Variants in CTIF observed in about 807,000 individuals in gnomAD.
The protein encoded by CTIF is cap binding complex dependent translation initiation factor.
CTIF carries 21 observed loss-of-function variants against 66.0 expected under a neutral mutation model. The observed-to-expected ratio is 0.32, with a 90% confidence interval of 0.23 to 0.46. CTIF has a LOEUF of 0.46. Ranked by LOEUF, CTIF falls within the 20% of genes least tolerant of loss-of-function variation. The pLI, the probability that CTIF is intolerant of heterozygous loss-of-function variation, is 1.00. For missense variants in CTIF, 739 were observed against 812.7 expected (o/e 0.91, Z 1.10); for synonymous variants, 345 against 326.4 (o/e 1.06, Z -0.62).
At chr18:48,849,796 G>T (rs539149200) in intron 10 of CTIF, among the ~76,000 whole-genome samples, 1 of 151,792 alleles carries the variant, frequency 6.6e-6, no homozygotes, top group African/African-American at 2.4e-5. Flanking sequence ...ATGTTGGCCA[G>T]GTTGATCTTG....
At chr18:48,731,488 C>T (rs1598943212) in intron 7 of CTIF, among the ~76,000 whole-genome samples, 1 of 152,342 alleles carries the variant, frequency 6.6e-6, no homozygotes, top group East Asian at 1.9e-4. Flanking sequence ...TCCGTTAACC[C>T]TCTCATTCCT....
At position 48,587,033 on chromosome 18, in the gene CTIF, T is replaced by C. The variant is rs575800596; in HGVS notation, c.-28-32505T>C. ...CAGCTGTACAACCTACACAACCCAC[T>C]GTGGCCACTCTAGTGTTGTAAAAAG... On this transcript the variant is annotated intron_variant, in intron 1 of 11. Transcript: ENST00000256413. Among the ~76,000 whole-genome samples, 53 of 151,914 alleles carry C rather than the reference T, an allele frequency of 3.5e-4. No individual in the cohort carries two copies. In the South Asian group the frequency reaches 0.01, roughly 30 times the overall value.
intron 6 of CTIF, among the ~76,000 whole-genome samples, chr18:48,700,491 G>A (rs1194750835): frequency 1.3e-5 from 2 of 152,240 alleles, no homozygotes; most frequent in Non-Finnish European, 2.9e-5. Context: ...CCCCGGCACA[G>A]CGGGGTACAC....
intron 2 of CTIF, among the ~76,000 whole-genome samples, chr18:48,630,642 C>A (rs2090687434): frequency 6.7e-6 from 1 of 148,918 alleles, no homozygotes; most frequent in Admixed American, 6.7e-5. Context: ...ACTGGTTCAA[C>A]AGCTTTTTTG....
chr18:48,852,975 A>G (rs2146641294), intron 10 of CTIF, among the ~76,000 whole-genome samples: 1 of 152,244 alleles, frequency 6.6e-6, no homozygotes, highest in Non-Finnish European at 1.5e-5. Context: ...GGGGAGGGGT[A>G]GGTAACCACA....
At chr18:48,791,668 C>G (rs1273405014) in intron 9 of CTIF, among the ~76,000 whole-genome samples, 1 of 152,218 alleles carries the variant, frequency 6.6e-6, no homozygotes, top group African/African-American at 2.4e-5. Context: ...GCAGCCTGCC[C>G]CGTCTCAACC....
intron 1 of CTIF, among the ~76,000 whole-genome samples, chr18:48,569,191 G>A (rs1336245404): frequency 6.6e-6 from 1 of 152,094 alleles, no homozygotes; most frequent in Non-Finnish European, 1.5e-5. Flanking sequence ...AAGTACTGAG[G>A]GTTAGGGCTT....
chr18:48,705,163 C>T (rs2092135768), intron 6 of CTIF, among the ~76,000 whole-genome samples: 1 of 152,198 alleles, frequency 6.6e-6, no homozygotes, highest in African/African-American at 2.4e-5. Flanking sequence ...TGACCCATTG[C>T]TGACGGCAAC....
chr18:48,731,617 A>T (rs1477166248), intron 7 of CTIF, among the ~76,000 whole-genome samples: 1 of 152,170 alleles, frequency 6.6e-6, no homozygotes, highest in Admixed American at 6.5e-5. Flanking sequence ...GATGGATGGG[A>T]TTTCTTCAAA....
At chr18:48,732,023 G>T (rs2092460917) in intron 7 of CTIF, among the ~76,000 whole-genome samples, 1 of 152,230 alleles carries the variant, frequency 6.6e-6, no homozygotes, top group African/African-American at 2.4e-5. Context: ...GCCACCATTG[G>T]CCAATTCTTG....
chr18:48,818,647 T>C (rs1428999311), intron 10 of CTIF, among the ~76,000 whole-genome samples: 2 of 151,706 alleles, frequency 1.3e-5, no homozygotes, highest in Admixed American at 6.6e-5. Context: ...GAAGAGAGTA[T>C]AGATGGAGAG....
In CTIF at chr18:48,578,976, G is replaced by A. The variant is rs534359108; in HGVS notation, c.-29+39664G>A. Among the ~76,000 whole-genome samples, 13 of 152,196 alleles carry A rather than the reference G, an allele frequency of 8.5e-5. No homozygotes were observed. In the South Asian group the frequency reaches 1.2e-3, roughly 15 times the overall value. The stretch of plus-strand genomic sequence containing the variant: ...TCTAAGAGGTTCATGGTTGTACAAC[G>A]CTCTGACATTTAGGTCTGTGGTGCA... On this transcript the variant is annotated intron_variant, in intron 1 of 11. Transcript: ENST00000256413.
intron 1 of CTIF, among the ~76,000 whole-genome samples, chr18:48,594,508 G>A (rs921831992): frequency 3.9e-5 from 6 of 152,086 alleles, no homozygotes; most frequent in African/African-American, 1.4e-4. Flanking sequence ...AGCTGTTTGT[G>A]GGGCCTGGCA....
At chr18:48,616,706 G>A (rs968517462) in intron 1 of CTIF, among the ~76,000 whole-genome samples, 6 of 152,184 alleles carry the variant, frequency 3.9e-5, no homozygotes, top group Non-Finnish European at 7.3e-5. Context: ...GCAGACACTC[G>A]TCATTCCTAC....
chr18:48,797,136 T>A (rs1369696176), intron 9 of CTIF, among the ~76,000 whole-genome samples: 2 of 152,196 alleles, frequency 1.3e-5, no homozygotes, highest in African/African-American at 2.4e-5. Context: ...AAACTATCCC[T>A]AATTTTTCTC....
chr18:48,814,857 T>G (rs2068329572), intron 9 of CTIF, among the ~76,000 whole-genome samples: 1 of 152,196 alleles, frequency 6.6e-6, no homozygotes, highest in Non-Finnish European at 1.5e-5. Flanking sequence ...CTTTTCACCC[T>G]GGGTGAAAGA....
intron 9 of CTIF, among the ~76,000 whole-genome samples, chr18:48,813,736 T>C (rs984260874): frequency 1.3e-5 from 2 of 152,252 alleles, no homozygotes; most frequent in African/African-American, 2.4e-5. Flanking sequence ...TTTGATCAGA[T>C]GCAATCTATT....
Position 48,675,092 on chromosome 18 carries a change from T to C in CTIF, c.507+4348T>C, listed in dbSNP as rs149179906. Among the ~76,000 whole-genome samples, 219 of 152,052 alleles carry C rather than the reference T, an allele frequency of 1.4e-3. 3 individuals are homozygous for C. In the East Asian group the frequency reaches 0.036, roughly 25 times the overall value. On this transcript the variant is annotated intron_variant, in intron 6 of 11. Transcript: ENST00000256413. ...TGGGAGATGGGGGGCAGCAGAAGGC[T>C]CTGAGTACAGGGCCATGGATTCAGG... is the stretch of plus-strand genomic sequence containing the variant.
chr18:48,701,543 AGT>A (rs1281431879), intron 6 of CTIF, among the ~76,000 whole-genome samples: 2 of 70,302 alleles, frequency 2.8e-5, no homozygotes, highest in African/African-American at 2.1e-4. Context: ...CCCAGCCCCC[AGT>A]GCACACAGTG....
Sources: allele counts gnomAD v4.1 joint callset (sites outside exome capture counted in the v4.1 genomes callset), GRCh38; gene constraint gnomAD v4.1.1; transcripts MANE v1.5; gene names NCBI Gene and HGNC (gene_info 2026-07-23, HGNC 2026-07-21).